KIAA1549L: variants seen among roughly 807,000 people sequenced by gnomAD.
The protein encoded by KIAA1549L is UPF0606 protein KIAA1549L.
Under a neutral mutation model 160.7 loss-of-function variants are expected in KIAA1549L, and 88 were observed. The observed-to-expected ratio is 0.55, with a 90% CI of 0.46 to 0.65. The LOEUF (loss-of-function observed/expected upper bound fraction) is 0.65, where lower values mean the gene tolerates loss of function less well. Ranked by LOEUF, KIAA1549L falls within the 30% of genes least tolerant of loss-of-function variation. The pLI is 0.00. For synonymous variants in KIAA1549L, 950 were observed against 976.7 expected (o/e 0.97, Z 0.51); for missense variants, 2,258 against 2,437.5 (o/e 0.93, Z 1.55).
chr11:33,501,529 G>A (rs1426042371), intron 1 of KIAA1549L, among the ~76,000 whole-genome samples: 1 of 152,200 alleles, frequency 6.6e-6, no homozygotes. Context: ...TGAACAAGAA[G>A]GAGAAGGTAA....
In KIAA1549L at chr11:33,558,573, A is replaced by T. The variant is rs540850513; in HGVS notation, c.3856-1176A>T. On this transcript the variant is annotated intron_variant, in intron 6 of 20. Coordinates refer to ENST00000658780, the MANE Select transcript of KIAA1549L (RefSeq NM_012194.3). ...AGAAGGGAAGGCACGCAGCACAGAA[A>T]TTCACAAAAAAAGGCCTCACCAAGT... is the stretch of plus-strand genomic sequence containing the variant. 1.7e-3 allele frequency among the ~76,000 whole-genome samples: 259 copies of T among 152,290 alleles called. 2 individuals are homozygous for T. The highest frequency in any genetic ancestry group is 6.1e-3 in the African/African-American group (253 of 41,556).
intron 1 of KIAA1549L, among the ~76,000 whole-genome samples, chr11:33,487,097 A>G (rs1365558751): frequency 6.6e-6 from 1 of 152,230 alleles, no homozygotes; most frequent in Admixed American, 6.5e-5. Context: ...GACCTTTAGG[A>G]GGCCCGCTGA....
intron 1 of KIAA1549L, among the ~76,000 whole-genome samples, chr11:33,436,761 C>G (rs1035785402): frequency 2.6e-5 from 4 of 152,180 alleles, no homozygotes; most frequent in Non-Finnish European, 5.9e-5. Flanking sequence ...CAATTCCTCA[C>G]TCTTAGTTGG....
Position 33,543,346 on chromosome 11 carries a change from G to A in KIAA1549L, c.1783G>A (p.Val595Ile). The A allele has an allele frequency of 6.2e-7, 1 of 1,614,028 alleles. No individual in the cohort carries two copies. Among genetic ancestry groups the A allele is most frequent in the Non-Finnish European group, 8.5e-7 (1 of 1,179,898 alleles). Residue 595 changes from valine (V) to isoleucine (I), a missense_variant, in exon 2 of 21, where the codon GTA (valine) becomes ATA (isoleucine). This residue lies in a region of KIAA1549L where 540 missense variants were observed against 465.7 expected (regional missense o/e 1.16). Coordinates refer to ENST00000658780, the MANE Select transcript of KIAA1549L (RefSeq NM_012194.3). ...GAAAGAGGTTTTGAGTCTTCACACT[G>A]TAAATGGATTTGTCTCTGATTTCAG... ...PRKEVLSLHT[V>I]NGFVSDFSTG...
chr11:33,424,603 G>T (rs1851081687), intron 1 of KIAA1549L, among the ~76,000 whole-genome samples: 2 of 152,132 alleles, frequency 1.3e-5, no homozygotes, highest in African/African-American at 4.8e-5. Flanking sequence ...AAAGTGTCTT[G>T]ACCTTGATAG....
At chr11:33,523,704 A>G (rs546088194) in intron 1 of KIAA1549L, among the ~76,000 whole-genome samples, 1 of 152,312 alleles carries the variant, frequency 6.6e-6, no homozygotes, top group South Asian at 2.1e-4. Context: ...GAAAAGTCTT[A>G]CATTCGTTTG....
intron 1 of KIAA1549L, among the ~76,000 whole-genome samples, chr11:33,440,286 C>T (rs936558061): frequency 6.9e-4 from 103 of 150,348 alleles, no homozygotes; most frequent in African/African-American, 2.3e-3. Flanking sequence ...CCCGCCACTA[C>T]GCCCGGCTAA....
intron 1 of KIAA1549L, among the ~76,000 whole-genome samples, chr11:33,512,496 C>T (rs1323574235): frequency 2.0e-5 from 3 of 152,180 alleles, no homozygotes; most frequent in East Asian, 3.8e-4. Flanking sequence ...AATCTCGGCT[C>T]ACAGGAACCT....
At chr11:33,608,181 G>C (rs118109656) in intron 14 of KIAA1549L, among the ~76,000 whole-genome samples, 2 of 152,214 alleles carry the variant, frequency 1.3e-5, no homozygotes, top group Non-Finnish European at 2.9e-5. Context: ...AAGCATGTTA[G>C]TTCATTTCTC....
chr11:33,514,716 T>A (rs1853305258), intron 1 of KIAA1549L, among the ~76,000 whole-genome samples: 1 of 152,180 alleles, frequency 6.6e-6, no homozygotes, highest in Non-Finnish European at 1.5e-5. Context: ...TGTAGTCAGT[T>A]TTAAAGGCTT....
At chr11:33,413,360 G>A (rs1850821290) in intron 1 of KIAA1549L, among the ~76,000 whole-genome samples, 2 of 150,532 alleles carry the variant, frequency 1.3e-5, no homozygotes, top group South Asian at 4.2e-4. Context: ...GATTGTTTGA[G>A]CCAGGAGTTC....
At chr11:33,549,535 GA>G (rs1450392200) in intron 4 of KIAA1549L, among the ~76,000 whole-genome samples, 1 of 152,192 alleles carries the variant, frequency 6.6e-6, no homozygotes, top group Non-Finnish European at 1.5e-5. Flanking sequence ...GTTCCATGCT[GA>G]AATACCTCTT....
chr11:33,489,883 C>T lies in KIAA1549L; in HGVS notation c.239-51919C>T, dbSNP rs150590410. ...AGTTAATAAAAATGAAAAGATCAAA[C>T]GTTATTGATTCTTGTTATATGCGAG... On this transcript the variant is annotated intron_variant, in intron 1 of 20. Coordinates refer to ENST00000658780, the MANE Select transcript of KIAA1549L (RefSeq NM_012194.3). Among the ~76,000 whole-genome samples the T allele has an allele frequency of 5.3e-5, 8 of 152,272 alleles. No individual in the cohort carries two copies. The East Asian group carries it at 1.2e-3, about 22-fold the overall frequency.
intron 1 of KIAA1549L, among the ~76,000 whole-genome samples, chr11:33,415,707 C>T (rs1167664698): frequency 6.6e-6 from 1 of 151,996 alleles, no homozygotes. Flanking sequence ...AAGATGGGAC[C>T]CTTATATCCT....
intron 1 of KIAA1549L, among the ~76,000 whole-genome samples, chr11:33,453,659 A>G (rs1851766317): frequency 6.6e-6 from 1 of 152,240 alleles, no homozygotes; most frequent in African/African-American, 2.4e-5. Context: ...GCATCTGATC[A>G]TATCATGAAT....
intron 1 of KIAA1549L, among the ~76,000 whole-genome samples, chr11:33,487,645 T>A (rs57580239): frequency 0.019 from 2,833 of 152,198 alleles, 79 homozygotes; most frequent in African/African-American, 0.062. Context: ...GGAACATTTT[T>A]AAAAAATACT....
chr11:33,395,955 GTTA>G (rs1850365216), intron 1 of KIAA1549L, among the ~76,000 whole-genome samples: 1 of 152,236 alleles, frequency 6.6e-6, no homozygotes, highest in Admixed American at 6.5e-5. Flanking sequence ...TTTCTTTGTT[GTTA>G]TTGTTGTGAC....
chr11:33,575,099 C>A (rs756120155), intron 10 of KIAA1549L, among the ~76,000 whole-genome samples: 1 of 152,114 alleles, frequency 6.6e-6, no homozygotes, highest in Non-Finnish European at 1.5e-5. Context: ...CAAGTCCTAC[C>A]CACCCTTCTT....
At chr11:33,567,227 C>G (rs774842033) in intron 8 of KIAA1549L, among the ~76,000 whole-genome samples, 4 of 152,204 alleles carry the variant, frequency 2.6e-5, no homozygotes, top group Non-Finnish European at 4.4e-5. Context: ...AAGGGTGTTC[C>G]CTTTACCTTC....
Sources: gnomAD v4.1 joint callset for allele counts (sites outside exome capture counted in the v4.1 genomes callset) on GRCh38, gnomAD v4.1.1 for gene constraint, gnomAD v4.1.1 regional missense constraint, MANE v1.5 for transcripts, NCBI Gene and HGNC (gene_info 2026-07-23, HGNC 2026-07-21) for gene names.